AVEN: variants seen among roughly 807,000 people sequenced by gnomAD.
AVEN encodes the protein apoptosis and caspase activation inhibitor.
Under a neutral mutation model 38.1 loss-of-function variants are expected in AVEN, and 41 were observed. The ratio of observed to expected loss-of-function variants is 1.08; its 90% confidence interval spans 0.84 to 1.40. AVEN has a LOEUF of 1.40. Among genes scored for constraint, AVEN ranks in the 40% most tolerant of loss-of-function variants. The pLI is 0.00. For missense variants in AVEN, 605 were observed against 438.8 expected (o/e 1.38, Z -3.38); for synonymous variants, 206 against 171.8 (o/e 1.20, Z -1.56).
intron 2 of AVEN, among the ~76,000 whole-genome samples, chr15:33,909,540 G>T (rs951132789): frequency 6.6e-6 from 1 of 152,086 alleles, no homozygotes; most frequent in Non-Finnish European, 1.5e-5. Context: ...TAACACAAAG[G>T]TGATGGCTTC....
chr15:33,926,933 G>A (rs1893629058), intron 2 of AVEN, among the ~76,000 whole-genome samples: 1 of 152,118 alleles, frequency 6.6e-6, no homozygotes, highest in Non-Finnish European at 1.5e-5. Flanking sequence ...AGGATTACAG[G>A]AGTGAGCCAC....
intron 2 of AVEN, among the ~76,000 whole-genome samples, chr15:33,904,714 T>TACAC (rs201939919): frequency 7.0e-5 from 10 of 142,664 alleles, no homozygotes; most frequent in South Asian, 6.7e-4. Context: ...TATATATATA[T>TACAC]ATACACACAC....
At chr15:33,948,440 A>G (rs1325923565) in intron 2 of AVEN, among the ~76,000 whole-genome samples, 1 of 152,066 alleles carries the variant, frequency 6.6e-6, no homozygotes, top group East Asian at 1.9e-4. Context: ...TAAGTGTCTA[A>G]AGATCATCAG....
chr15:33,895,830 T>A (rs987328815), intron 2 of AVEN, among the ~76,000 whole-genome samples: 9 of 152,226 alleles, frequency 5.9e-5, no homozygotes, highest in Non-Finnish European at 1.3e-4. Flanking sequence ...TGCCCTCCAC[T>A]AATTTTAGAT....
chr15:33,976,369 TA>T (rs1236607883), intron 2 of AVEN, among the ~76,000 whole-genome samples: 3 of 152,254 alleles, frequency 2.0e-5, no homozygotes, highest in Non-Finnish European at 4.4e-5. Context: ...CTTTTTTCTC[TA>T]AAATACTTTA....
At chr15:33,954,138 A>G (rs1437484030) in intron 2 of AVEN, among the ~76,000 whole-genome samples, 1 of 152,234 alleles carries the variant, frequency 6.6e-6, no homozygotes. Flanking sequence ...CGATCATTAA[A>G]AAGTCAGGAA....
intron 2 of AVEN, among the ~76,000 whole-genome samples, chr15:33,953,172 G>A (rs533814031): frequency 1.3e-5 from 2 of 152,174 alleles, no homozygotes; most frequent in East Asian, 3.9e-4. Context: ...CCATGCTCAT[G>A]GATAGGAAGA....
intron 1 of AVEN, among the ~76,000 whole-genome samples, chr15:34,032,735 G>T (rs1898917691): frequency 6.6e-6 from 1 of 152,168 alleles, no homozygotes; most frequent in African/African-American, 2.4e-5. Context: ...ACCCTAGAAG[G>T]CACCTGAAGA....
intron 2 of AVEN, among the ~76,000 whole-genome samples, chr15:33,927,796 G>A (rs1034580928): frequency 6.6e-6 from 1 of 152,206 alleles, no homozygotes; most frequent in African/African-American, 2.4e-5. Context: ...TCCTCATGTA[G>A]GGTGGCTTTG....
At chr15:33,999,916 A>G (rs538345797) in intron 2 of AVEN, among the ~76,000 whole-genome samples, 13 of 152,296 alleles carry the variant, frequency 8.5e-5, no homozygotes, top group African/African-American at 2.9e-4. Context: ...GAATAAAAGA[A>G]AACATCTTTA....
At chr15:33,867,301 T>C (rs1890633502) in intron 5 of AVEN, among the ~76,000 whole-genome samples, 194 bp downstream of exon 5, 1 of 152,094 alleles carries the variant, frequency 6.6e-6, no homozygotes, top group Non-Finnish European at 1.5e-5. Flanking sequence ...GCTTGGTGTG[T>C]CGCGTGAGAG....
downstream of AVEN, chr15:33,858,551 G>A (rs1330251909): frequency 2.4e-5 from 1 of 42,286 alleles, no homozygotes; most frequent in Non-Finnish European, 1.2e-4. Flanking sequence ...TAAATTTCAT[G>A]GAAGTTGAGC....
At chr15:33,965,458 T>C (rs1359791091) in intron 2 of AVEN, among the ~76,000 whole-genome samples, 1 of 152,184 alleles carries the variant, frequency 6.6e-6, no homozygotes, top group African/African-American at 2.4e-5. Context: ...AGAGACTTTT[T>C]TTCTTTATAA....
Position 33,866,722 on chromosome 15 carries a change from G to C in AVEN, c.980C>G (p.Ala327Gly), listed in dbSNP as rs146907296. The change falls in exon 6 of 6, where the codon GCA (alanine) becomes GGA (glycine). Residue 327 changes from alanine (A) to glycine (G), a missense_variant. Transcript: ENST00000306730. ...TTTTTCTTCAGTCACAGATGGTTTT[G>C]CACAAACTGGGGGAAAAAAAACAAT... ...GEVVQEEEVCAKPSVTEEKNM... is the reference protein window; with the variant it reads ...GEVVQEEEVCGKPSVTEEKNM... The C allele has an allele frequency of 1.4e-5, 22 of 1,611,988 alleles. No homozygotes were observed. In the Admixed American group the frequency reaches 2.8e-4, roughly 21 times the overall value.
chr15:33,996,057 C>T (rs1896920008), intron 2 of AVEN, among the ~76,000 whole-genome samples: 1 of 152,216 alleles, frequency 6.6e-6, no homozygotes, highest in African/African-American at 2.4e-5. Context: ...GGTCCCACAC[C>T]CACACAGCCT....
At chr15:33,995,381 AGTGATTTAAAG>A (rs1896891376) in intron 2 of AVEN, among the ~76,000 whole-genome samples, 1 of 152,248 alleles carries the variant, frequency 6.6e-6, no homozygotes, top group South Asian at 2.1e-4. Context: ...AGATATTATA[AGTGATTTAAAG>A]ATGATTTAAA....
chr15:33,941,397 C>T (rs527493240), intron 2 of AVEN, among the ~76,000 whole-genome samples: 3 of 152,044 alleles, frequency 2.0e-5, no homozygotes, highest in African/African-American at 4.8e-5. Context: ...TAAGGTTAAA[C>T]GAACAGTAAG....
intron 11 of AVEN, chr15:33,860,671 C>CT: frequency 6.4e-7 from 1 of 1,551,634 alleles, no homozygotes; most frequent in Non-Finnish European, 8.8e-7. Context: ...TAATGTTACT[C>CT]TAACTACTAA....
At chr15:33,866,764 G>C (rs759681739) in intron 5 of AVEN, 36 bp from the exon 6 acceptor site, 2 of 1,458,956 alleles carry the variant, frequency 1.4e-6, no homozygotes, top group Admixed American at 3.4e-5. Flanking sequence ...ACCCTCAGAT[G>C]AGTCCTAAAA....
Sources: allele counts gnomAD v4.1 joint callset (sites outside exome capture counted in the v4.1 genomes callset), GRCh38; gene constraint gnomAD v4.1.1; transcripts MANE v1.5; gene names NCBI Gene and HGNC (gene_info 2026-07-23, HGNC 2026-07-21).